Variants in CATSPER2 observed in about 807,000 individuals in gnomAD.
CATSPER2 encodes cation channel sperm-associated protein 2.
Under a neutral mutation model 68.8 loss-of-function variants are expected in CATSPER2, and 56 were observed. The ratio of observed to expected loss-of-function variants is 0.81; its 90% CI spans 0.66 to 1.02. The LOEUF (loss-of-function observed/expected upper bound fraction) is 1.02. CATSPER2 is among the 50% of genes least tolerant of loss of function. The pLI is 0.00. For missense variants in CATSPER2, 582 were observed against 642.0 expected, an observed-to-expected ratio of 0.91 and a Z score of 1.01; for synonymous variants, 198 against 229.9, an observed-to-expected ratio of 0.86 and a Z score of 1.26.
rs1008155365 is a variant in CATSPER2 at position 43,648,835 on chromosome 15, G to A, written c.-209C>T. 5.9e-6 allele frequency: 9 copies of A among 1,530,004 alleles called. No homozygotes were observed. The highest frequency in any genetic ancestry group is 7.9e-6 in the Non-Finnish European group (9 of 1,142,648). The allele number at this position is 1,530,004 out of a possible 1,614,324, so 94.8% of individuals were successfully genotyped here. A position where few individuals can be genotyped will look rare whatever the true frequency, so the allele number is the denominator to read the frequency against. On this transcript the variant is annotated 5_prime_UTR_variant, in exon 1 of 13. Coordinates refer to ENST00000396879, the MANE Select transcript of CATSPER2 (RefSeq NM_172095.4). ...GCCCCTACCCACAGCCCAGGACCAT[G>A]CGGAGCAACGCTCGCCCAGCCACTC...
At position 43,648,817 on chromosome 15, in the gene CATSPER2, C is replaced by A. The variant is rs1371318697; in HGVS notation, c.-191G>T. The stretch of plus-strand genomic sequence containing the variant: ...CCCCGGGACCCGGCCCTAGCCCCTA[C>A]CCACAGCCCAGGACCATGCGGAGCA... On this transcript the variant is annotated 5_prime_UTR_variant, in exon 1 of 13. Coordinates refer to ENST00000396879, the MANE Select transcript of CATSPER2 (RefSeq NM_172095.4). 1 of 1,532,676 alleles carries A rather than the reference C, an allele frequency of 6.5e-7. No homozygotes were observed. Among genetic ancestry groups the A allele is most frequent in the Non-Finnish European group, 8.7e-7 (1 of 1,143,424 alleles). 94.9% of individuals were successfully genotyped at this position (1,532,676 alleles called of 1,614,324 possible). A position where few individuals can be genotyped will look rare whatever the true frequency, so the allele number is the denominator to read the frequency against.
rs568804866 is a variant in CATSPER2 at position 43,635,828 on chromosome 15, T to C, written c.1022-2A>G. 23 of 1,612,464 alleles carry C rather than the reference T, an allele frequency of 1.4e-5. 1 individual carries two copies. The highest frequency in any genetic ancestry group is 1.3e-4 in the Admixed American group (8 of 59,962). Reference sequence around the variant, plus strand: ...TCCTGATATTCTGAAAGTTAGTAACTGCCCCAAAGGGCCATTAGGAGCTGG... The same window carrying C: ...TCCTGATATTCTGAAAGTTAGTAACCGCCCCAAAGGGCCATTAGGAGCTGG... On this transcript the variant is annotated splice_acceptor_variant, in intron 8 of 12. Coordinates refer to ENST00000396879, the MANE Select transcript of CATSPER2 (RefSeq NM_172095.4). LOFTEE classifies it high-confidence loss of function.
At position 43,648,838 on chromosome 15, in the gene CATSPER2, G is replaced by A. The variant is rs1181520505; in HGVS notation, c.-212C>T. The A allele has an allele frequency of 1.4e-5, 21 of 1,529,700 alleles. No individual in the cohort carries two copies. The highest frequency in any genetic ancestry group is 1.8e-5 in the Non-Finnish European group (20 of 1,142,524). 94.8% of individuals were successfully genotyped at this position (1,529,700 alleles called of 1,614,324 possible). A position where few individuals can be genotyped will look rare whatever the true frequency, so the allele number is the denominator to read the frequency against. On this transcript the variant is annotated 5_prime_UTR_variant, in exon 1 of 13. Transcript: ENST00000396879. ...CCTACCCACAGCCCAGGACCATGCG[G>A]AGCAACGCTCGCCCAGCCACTCGCC... is the stretch of plus-strand genomic sequence containing the variant.
In CATSPER2 at chr15:43,640,903, G is replaced by A. The variant is rs550283980; in HGVS notation, c.389-407C>T. On this transcript the variant is annotated intron_variant, in intron 4 of 12. Coordinates refer to ENST00000396879, the MANE Select transcript of CATSPER2 (RefSeq NM_172095.4). ...CTTGAGAACAGAATGAAAATACAGG[G>A]CCATGATATCTGAACTACTTTATAA... 1.4e-4 allele frequency among the ~76,000 whole-genome samples: 21 copies of A among 151,384 alleles called. 1 individual carries two copies. The highest frequency in any genetic ancestry group is 4.8e-4 in the African/African-American group (20 of 41,310).
At chr15:43,643,579 C>T (rs1331812981) in intron 4 of CATSPER2, among the ~76,000 whole-genome samples, 2 of 151,720 alleles carry the variant, frequency 1.3e-5, no homozygotes, top group African/African-American at 2.4e-5. Context: ...TCAAGTGATC[C>T]GCAGGACTAG....
chr15:43,629,869 G>A lies in CATSPER2; in HGVS notation c.*832C>T, dbSNP rs373698642. On this transcript the variant is annotated 3_prime_UTR_variant, in exon 13 of 13. Transcript: ENST00000396879. Reference sequence around the variant, plus strand: ...TAATGGTTCACAAGAGAAGCAACATGAGTGGAACACGCAATGGAAACAATA... The same window carrying A: ...TAATGGTTCACAAGAGAAGCAACATAAGTGGAACACGCAATGGAAACAATA... 4.6e-5 allele frequency: 7 copies of A among 151,816 alleles called. No individual in the cohort carries two copies. The highest frequency in any genetic ancestry group is 1.7e-4 in the African/African-American group (7 of 41,240). The allele number at this position is 151,816 out of a possible 1,614,324, so 9.4% of individuals were successfully genotyped here.
chr15:43,645,630 A>G (rs1190518122), intron 4 of CATSPER2, among the ~76,000 whole-genome samples: 1 of 151,650 alleles, frequency 6.6e-6, no homozygotes, highest in Non-Finnish European at 1.5e-5. Context: ...CTACAAAAAT[A>G]AAATCAACAT....
At position 43,635,792 on chromosome 15, in the gene CATSPER2, A is replaced by G; in HGVS notation, c.1056T>C (p.Asn352=). 6.2e-7 allele frequency: 1 copy of G among 1,613,562 alleles called. No individual in the cohort carries two copies. The highest frequency in any genetic ancestry group is 8.5e-7 in the Non-Finnish European group (1 of 1,179,800). The part of the protein sequence containing the change: ...TNFQNIRKEL[N]EEMARREVQL... Reference sequence around the variant, plus strand: ...GAACCTCCCGACGCGCCATCTCCTCATTCAGCTCTTTCCTGATATTCTGAA... The same window carrying G: ...GAACCTCCCGACGCGCCATCTCCTCGTTCAGCTCTTTCCTGATATTCTGAA... The change falls in exon 9 of 13, where the codon AAT becomes AAC. Residue 352 remains asparagine, a synonymous_variant. Transcript: ENST00000396879.
Position 43,648,801 on chromosome 15 carries a change from C to T in CATSPER2, c.-175G>A. On this transcript the variant is annotated 5_prime_UTR_variant, in exon 1 of 13. Transcript: ENST00000396879. The stretch of plus-strand genomic sequence containing the variant: ...CCCAGGTTTCGGCTCACCCCGGGAC[C>T]CGGCCCTAGCCCCTACCCACAGCCC... The T allele has an allele frequency of 3.3e-6, 5 of 1,532,214 alleles. No homozygotes were observed. The highest frequency in any genetic ancestry group is 4.4e-6 in the Non-Finnish European group (5 of 1,143,072). 94.9% of individuals were successfully genotyped at this position (1,532,214 alleles called of 1,614,324 possible).
chr15:43,647,543 T>G (rs2086193280), intron 2 of CATSPER2, 76 bp from the exon 3 acceptor site: 1 of 1,387,002 alleles, frequency 7.2e-7, no homozygotes, highest in Non-Finnish European at 1.0e-6. Context: ...GCAGGGATAC[T>G]GGTCAGGTAA....
At chr15:43,647,648 C>T (rs1257611719) in intron 2 of CATSPER2, among the ~76,000 whole-genome samples, 181 bp from the exon 3 acceptor site, 1 of 152,004 alleles carries the variant, frequency 6.6e-6, no homozygotes, top group Non-Finnish European at 1.5e-5. Flanking sequence ...TTATGACCAA[C>T]ACTGTCCATG....
chr15:43,648,545 T>C lies in CATSPER2; in HGVS notation c.-3+84A>G, dbSNP rs913543619. ...ATGCCAAAGCCTGACATTTTGAAAA[T>C]GGGTCCCGTCCCAAGTGTGTCCACT... On this transcript the variant is annotated intron_variant, in intron 1 of 12. Transcript: ENST00000396879. 25 of 1,253,730 alleles carry C rather than the reference T, an allele frequency of 2.0e-5. 1 individual carries two copies. Among genetic ancestry groups the C allele is most frequent in the East Asian group, 8.6e-5 (3 of 34,932 alleles). 77.7% of individuals were successfully genotyped at this position (1,253,730 alleles called of 1,614,324 possible).
chr15:43,638,832 T>C (rs1018581280), intron 7 of CATSPER2, 72 bp downstream of exon 7: 22 of 1,564,006 alleles, frequency 1.4e-5, no homozygotes, highest in Non-Finnish European at 1.8e-5. Context: ...TATATTACTA[T>C]ACTTTGGACA....
rs565132186 is a variant in CATSPER2 at position 43,631,436 on chromosome 15, G to A, written c.1562-704C>T. 4.7e-4 allele frequency: 105 copies of A among 222,388 alleles called. 1 individual carries two copies. Among genetic ancestry groups the A allele is most frequent in the Non-Finnish European group, 8.7e-4 (86 of 98,374 alleles). The allele number at this position is 222,388 out of a possible 1,614,324, so 13.8% of individuals were successfully genotyped here. ...AGTAGAGACAGGGTCTCACCATGTT[G>A]GCCAGGATGATCCTAATCTCCTGAC... On this transcript the variant is annotated intron_variant, in intron 12 of 12. Coordinates refer to ENST00000396879, the MANE Select transcript of CATSPER2 (RefSeq NM_172095.4).
Position 43,630,960 on chromosome 15 carries a change from A to G in CATSPER2, c.1562-228T>C, listed in dbSNP as rs1452782022. On this transcript the variant is annotated intron_variant, in intron 12 of 12. Transcript: ENST00000396879. ...CTTTTCACCCTGTCCTCCCTAGAGAATAAGTGGGAAGTCAGGGCTAAGAAT... is the reference window on the plus strand; with the variant it reads ...CTTTTCACCCTGTCCTCCCTAGAGAGTAAGTGGGAAGTCAGGGCTAAGAAT... 3.9e-5 allele frequency among the ~76,000 whole-genome samples: 6 copies of G among 152,022 alleles called. No homozygotes were observed. In the South Asian group the frequency reaches 6.2e-4, roughly 16 times the overall value.
chr15:43,631,620 C>T, intron 12 of CATSPER2: 1 of 274,608 alleles, frequency 3.6e-6, no homozygotes, highest in Non-Finnish European at 8.0e-6. Flanking sequence ...AGATAGTTCC[C>T]AGTTTACATC....
rs1292054111 is a variant in CATSPER2, at chr15:43,640,456, C to T, written c.429G>A (p.Lys143=). The T allele has an allele frequency of 1.2e-6, 2 of 1,613,210 alleles. No individual in the cohort carries two copies. The highest frequency in any genetic ancestry group is 1.7e-6 in the Non-Finnish European group (2 of 1,179,568). Reference sequence around the variant, plus strand: ...ACCAAGCTGCCACCTCCAAGGTCAGCTTCAATGGCCATAGTTTGGTATTTG... The same window carrying T: ...ACCAAGCTGCCACCTCCAAGGTCAGTTTCAATGGCCATAGTTTGGTATTTG... ...ESTNTKLWPL[K]LTLEVAAWFI... The change falls in exon 5 of 13, where the codon AAG becomes AAA. Residue 143 remains lysine, a synonymous_variant. Coordinates refer to ENST00000396879, the MANE Select transcript of CATSPER2 (RefSeq NM_172095.4).
In CATSPER2 at chr15:43,632,307, C is replaced by T; in HGVS notation, c.1453G>A (p.Asp485Asn). The change falls in exon 12 of 13, where the codon GAT becomes AAT. Residue 485 changes from aspartate to asparagine, a missense_variant. Physicochemically the swap from Asp to Asn is conservative, Grantham distance 23 (BLOSUM62 1). Around this residue, in one of 5 missense-constraint regions of CATSPER2, gnomAD observed 235 missense variants for 264.2 expected, o/e 0.89. Coordinates refer to ENST00000396879, the MANE Select transcript of CATSPER2 (RefSeq NM_172095.4). ...HENLPGLMEM[D>N]QDDRVWPRDS... is the part of the protein sequence containing the mutation. ...CTGGGCCAAACACGGTCATCCTGAT[C>T]CATTTCCATTAGCCCGGGCAGATTT... 1 of 1,613,662 alleles carries T rather than the reference C, an allele frequency of 6.2e-7. No homozygotes were observed. Among genetic ancestry groups the T allele is most frequent in the Non-Finnish European group, 8.5e-7 (1 of 1,179,850 alleles).
upstream of CATSPER2, chr15:43,648,870 G>A: frequency 6.7e-7 from 1 of 1,487,066 alleles, no homozygotes; most frequent in Non-Finnish European, 9.0e-7. Flanking sequence ...CGCCGCCTAG[G>A]CCCCGCCCCG....
Sources: allele counts gnomAD v4.1 joint callset (sites outside exome capture counted in the v4.1 genomes callset), GRCh38; gene constraint gnomAD v4.1.1; regional missense constraint gnomAD v4.1.1; transcripts MANE v1.5; gene names NCBI Gene and HGNC (gene_info 2026-07-23, HGNC 2026-07-21).